Variants in GLIS3 observed in about 807,000 individuals in gnomAD.
The protein encoded by GLIS3 is GLIS family zinc finger 3.
Under a neutral mutation model 78.6 loss-of-function variants are expected in GLIS3, and 53 were observed. That is an observed-to-expected ratio of 0.67 (90% CI 0.54 to 0.85). The LOEUF is 0.85. Ranked by LOEUF, GLIS3 falls within the 40% of genes least tolerant of loss-of-function variation. The pLI, the probability that GLIS3 is intolerant of heterozygous loss-of-function variation, is 0.00. For missense variants in GLIS3, 1,703 were observed against 1,231.1 expected, an observed-to-expected ratio of 1.38 and a Z score of -5.74; for synonymous variants, 684 against 509.9, an observed-to-expected ratio of 1.34 and a Z score of -4.60.
At chr9:3,844,471 G>C (rs775088713) in intron 9 of GLIS3, among the ~76,000 whole-genome samples, 2 of 152,050 alleles carry the variant, frequency 1.3e-5, no homozygotes, top group African/African-American at 4.8e-5. Flanking sequence ...ATGAGTTTCA[G>C]GTATAAGAAC....
chr9:4,082,397 G>A (rs905456393), intron 4 of GLIS3, among the ~76,000 whole-genome samples: 4 of 152,172 alleles, frequency 2.6e-5, no homozygotes, highest in African/African-American at 9.6e-5. Flanking sequence ...CTTCCCCTAA[G>A]AAATAAACTT....
At chr9:4,287,160 G>C (rs1828070997) in intron 1 of GLIS3, among the ~76,000 whole-genome samples, 1 of 152,150 alleles carries the variant, frequency 6.6e-6, no homozygotes, top group African/African-American at 2.4e-5. Context: ...GAGTTATGGG[G>C]ATGGGAAGAG....
Position 4,286,162 on chromosome 9 carries a change from T to C in GLIS3, c.264A>G (p.Arg88=). 1 of 1,614,186 alleles carries C rather than the reference T, an allele frequency of 6.2e-7. No individual in the cohort carries two copies. The highest frequency in any genetic ancestry group is 1.1e-5 in the South Asian group (1 of 91,080). Residue 88 remains arginine (R), a synonymous_variant, in exon 2 of 11, where the codon AGA becomes AGG. Transcript: ENST00000381971. ...RIHLPALSPR[R]QMLTNGKPRF... is the part of the protein sequence containing the mutation. ...GCGGCTTCCCATTGGTGAGCATTTG[T>C]CTCCTGGGGCTTAAGGCAGGCAGAT...
chr9:4,092,329 T>G (rs1176647492), intron 4 of GLIS3, among the ~76,000 whole-genome samples: 10 of 151,866 alleles, frequency 6.6e-5, no homozygotes, highest in Admixed American at 6.6e-5. Flanking sequence ...TTTTTTTGTA[T>G]TTTTAGTAGA....
At chr9:4,326,637 G>A (rs939481983) in intron 2 of GLIS3, among the ~76,000 whole-genome samples, 11 of 152,156 alleles carry the variant, frequency 7.2e-5, no homozygotes, top group Admixed American at 2.6e-4. Flanking sequence ...GCACAACAAC[G>A]TGAATGTTCT....
the GLIS3 span, among the ~76,000 whole-genome samples, chr9:4,442,857 T>G: frequency 2.0e-5 from 3 of 152,172 alleles, no homozygotes; most frequent in Admixed American, 6.6e-5. Flanking sequence ...GTTTTGAAGT[T>G]GCCTCTGTGT....
chr9:3,961,691 G>T (rs1817566714), intron 4 of GLIS3, among the ~76,000 whole-genome samples: 2 of 151,972 alleles, frequency 1.3e-5, no homozygotes, highest in South Asian at 2.1e-4. Flanking sequence ...CAGGTTTAGT[G>T]AGTCTACACA....
At chr9:3,982,389 C>T (rs142815680) in intron 4 of GLIS3, among the ~76,000 whole-genome samples, 1 of 152,278 alleles carries the variant, frequency 6.6e-6, no homozygotes, top group East Asian at 1.9e-4. Context: ...GTCCTACTTG[C>T]TCTCACCAGG....
intron 2 of GLIS3, among the ~76,000 whole-genome samples, chr9:4,193,799 G>T (rs547465490): frequency 2.0e-5 from 3 of 152,172 alleles, no homozygotes; most frequent in Admixed American, 6.5e-5. Flanking sequence ...ACTGCAGGCT[G>T]CACCGAACCT....
intron 4 of GLIS3, among the ~76,000 whole-genome samples, chr9:4,052,594 C>T (rs1161034661): frequency 2.0e-5 from 3 of 152,152 alleles, no homozygotes; most frequent in South Asian, 2.1e-4. Context: ...CAATATGTGG[C>T]CTTTTGTGCC....
intron 4 of GLIS3, among the ~76,000 whole-genome samples, chr9:4,062,135 C>T (rs1181835677): frequency 6.6e-6 from 1 of 152,196 alleles, no homozygotes; most frequent in East Asian, 1.9e-4. Flanking sequence ...AAGTTAATGT[C>T]TGTAAAGGAC....
intron 2 of GLIS3, among the ~76,000 whole-genome samples, chr9:4,238,271 A>T (rs1157015660): frequency 1.3e-5 from 2 of 150,462 alleles, no homozygotes; most frequent in Non-Finnish European, 2.9e-5. Flanking sequence ...AGAACTCAGT[A>T]TTTAATCCTC....
intron 4 of GLIS3, among the ~76,000 whole-genome samples, chr9:3,979,415 C>T (rs1404209941): frequency 1.3e-5 from 2 of 152,234 alleles, no homozygotes. Flanking sequence ...CTGACTTCTG[C>T]AGCATCTAAA....
chr9:4,261,229 G>A (rs1406339944), intron 2 of GLIS3, among the ~76,000 whole-genome samples: 1 of 152,188 alleles, frequency 6.6e-6, no homozygotes, highest in Non-Finnish European at 1.5e-5. Flanking sequence ...AAGCTCTGAT[G>A]CTCCACTCAG....
the GLIS3 span, among the ~76,000 whole-genome samples, chr9:4,474,335 A>T: frequency 6.6e-6 from 1 of 152,176 alleles, no homozygotes. Flanking sequence ...GTGAAACCCC[A>T]TCTCTACAAA....
intron 6 of GLIS3, among the ~76,000 whole-genome samples, chr9:3,910,935 A>G (rs1000895052): frequency 6.6e-6 from 1 of 152,210 alleles, no homozygotes; most frequent in Non-Finnish European, 1.5e-5. Flanking sequence ...CAGAAGCTCA[A>G]TGGCCTACAT....
chr9:4,118,743 G>T lies in GLIS3; in HGVS notation c.735C>A (p.Gly245=), dbSNP rs1324504889. ...PSLSNHGSQN[G]LDLGDLLSLP... ...GGCTAAGGAGATCCCCTAGATCAAG[G>T]CCATTCTGAGAGCCGTGGTTGGAGA... The change falls in exon 4 of 11, where the codon GGC becomes GGA. Residue 245 remains glycine (G), a synonymous_variant. Coordinates refer to ENST00000381971, the MANE Select transcript of GLIS3 (RefSeq NM_001042413.2). The surrounding 1 kb of genome is among the most constrained non-coding windows in gnomAD (Gnocchi z 4.7). 1 of 1,613,818 alleles carries T rather than the reference G, an allele frequency of 6.2e-7. No individual in the cohort carries two copies. The highest frequency in any genetic ancestry group is 2.2e-5 in the East Asian group (1 of 44,878).
chr9:4,268,760 C>G (rs1021365124), intron 2 of GLIS3, among the ~76,000 whole-genome samples: 9 of 152,114 alleles, frequency 5.9e-5, no homozygotes, highest in Non-Finnish European at 1.0e-4. Flanking sequence ...TACTAGGAGA[C>G]CAGTTTATTC....
chr9:4,455,888 G>A, the GLIS3 span, among the ~76,000 whole-genome samples: 4 of 152,106 alleles, frequency 2.6e-5, no homozygotes, highest in East Asian at 7.7e-4. Flanking sequence ...CAAGGCATGT[G>A]AATTGCTTGA....
Sources: gnomAD v4.1 joint callset for allele counts (sites outside exome capture counted in the v4.1 genomes callset) on GRCh38, gnomAD v4.1.1 for gene constraint, Gnocchi (gnomAD v3.1) non-coding constraint, MANE v1.5 for transcripts, NCBI Gene and HGNC (gene_info 2026-07-23, HGNC 2026-07-21) for gene names.